COL4A1: variants seen among roughly 807,000 people sequenced by gnomAD.
COL4A1 encodes collagen alpha-1(IV) chain.
COL4A1 carries 40 observed loss-of-function variants against 216.6 expected under a neutral mutation model. The ratio of observed to expected loss-of-function variants is 0.18; its 90% CI spans 0.14 to 0.24. COL4A1 has a LOEUF of 0.24. Among genes scored for constraint, COL4A1 ranks in the 10% least tolerant of loss-of-function variants. The pLI is 1.00. For missense variants in COL4A1, 1,628 were observed against 2,196.8 expected (o/e 0.74, Z 5.18); for synonymous variants, 839 against 810.7 (o/e 1.03, Z -0.59).
Position 110,205,420 on chromosome 13 carries a change from G to GAGAAGC in COL4A1, c.904-20_904-15dup. The GAGAAGC allele has an allele frequency of 6.2e-7, 1 of 1,613,740 alleles. No individual in the cohort carries two copies. The highest frequency in any genetic ancestry group is 8.5e-7 in the Non-Finnish European group (1 of 1,180,038). On this transcript the variant is annotated splice_polypyrimidine_tract_variant and intron_variant, in intron 16 of 51. Transcript: ENST00000375820. ...ACCAGGAAAACCCTGAAACCGAAGAGAGAAGCAGTAACCGTCAGAGGCCAG... is the reference window on the plus strand; with the variant it reads ...ACCAGGAAAACCCTGAAACCGAAGAGAGAAGCAGAAGCAGTAACCGTCAGAGGCCAG...
At position 110,153,110 on chromosome 13, in the gene COL4A1, T is replaced by C. The variant is rs1036443014; in HGVS notation, c.4756-604A>G. 6.5e-4 allele frequency among the ~76,000 whole-genome samples: 99 copies of C among 152,296 alleles called. 1 individual carries two copies. The highest frequency in any genetic ancestry group is 2.1e-3 in the African/African-American group (88 of 41,558). ...AATCAAGACCTTAAAATGAATGACA[T>C]ACAAACTTGACTAAGACATTACAAC... On this transcript the variant is annotated intron_variant, in intron 50 of 51. Transcript: ENST00000375820.
rs571088549 is a variant in COL4A1, at chr13:110,304,699, G to A, written c.84+2245C>T. Reference sequence around the variant, plus strand: ...GTTTAGAAAATCCACCCATGAGTACGTAAACAATATGACCATAGCAGATAC... The same window carrying A: ...GTTTAGAAAATCCACCCATGAGTACATAAACAATATGACCATAGCAGATAC... On this transcript the variant is annotated intron_variant, in intron 1 of 51. Coordinates refer to ENST00000375820, the MANE Select transcript of COL4A1 (RefSeq NM_001845.6). Among the ~76,000 whole-genome samples, 13 of 152,312 alleles carry A rather than the reference G, an allele frequency of 8.5e-5. No homozygotes were observed. The South Asian group carries it at 1.7e-3, about 19-fold the overall frequency.
At position 110,219,678 on chromosome 13, in the gene COL4A1, G is replaced by GTGTATATATATA. The variant is rs1555307860; in HGVS notation, c.145-5664_145-5663insTATATATATACA. ...TATATATATGTATATATATATATATGTGTATATATATGTATATATATGTAT... is the reference window on the plus strand; with the variant it reads ...TATATATATGTATATATATATATATGTGTATATATATATGTATATATATGTATATATATGTAT... On this transcript the variant is annotated intron_variant, in intron 2 of 51. Coordinates refer to ENST00000375820, the MANE Select transcript of COL4A1 (RefSeq NM_001845.6). Among the ~76,000 whole-genome samples the GTGTATATATATA allele has an allele frequency of 2.0e-3, 245 of 123,224 alleles. 4 individuals carry two copies. The highest frequency in any genetic ancestry group is 7.6e-3 in the African/African-American group (231 of 30,586). The allele number at this position is 123,224 out of a possible 152,430, so 80.8% of individuals were successfully genotyped here. A position where few individuals can be genotyped will look rare whatever the true frequency, so the allele number is the denominator to read the frequency against.
At chr13:110,226,117 G>A (rs1000299887) in intron 2 of COL4A1, among the ~76,000 whole-genome samples, 3 of 151,958 alleles carry the variant, frequency 2.0e-5, no homozygotes, top group African/African-American at 7.3e-5. Flanking sequence ...AGGCCACACT[G>A]CTAGTGTTCC....
intron 41 of COL4A1, 61 bp from the exon 42 acceptor site, chr13:110,170,793 C>G (rs1434724489): frequency 6.3e-7 from 1 of 1,578,442 alleles, no homozygotes; most frequent in African/African-American, 1.3e-5. Context: ...TAATCTCCAG[C>G]GTGGACGGCA....
chr13:110,284,620 CAGAT>C (rs1315527482), intron 1 of COL4A1, among the ~76,000 whole-genome samples: 8 of 152,184 alleles, frequency 5.3e-5, no homozygotes, highest in African/African-American at 1.7e-4. Flanking sequence ...CTTCCTAACA[CAGAT>C]AGAGCAAGCA....
At chr13:110,213,216 G>A (rs1373534562) in intron 4 of COL4A1, among the ~76,000 whole-genome samples, 1 of 151,768 alleles carries the variant, frequency 6.6e-6, no homozygotes, top group Non-Finnish European at 1.5e-5. Flanking sequence ...AAATCACCAC[G>A]AAAGAACTTA....
Position 110,203,616 on chromosome 13 carries a change from G to C in COL4A1, c.958-9C>G. ...GCTTCACCCTTTTCTCCCTACAAAA[G>C]AAAAAATAACTTTCCTTGCATATTC... On this transcript the variant is annotated splice_polypyrimidine_tract_variant and intron_variant, in intron 17 of 51. Transcript: ENST00000375820. 3 of 1,613,886 alleles carry C rather than the reference G, an allele frequency of 1.9e-6. No homozygotes were observed. Among genetic ancestry groups the C allele is most frequent in the Non-Finnish European group, 2.5e-6 (3 of 1,179,912 alleles).
At chr13:110,270,310 T>G (rs1266833327) in intron 1 of COL4A1, among the ~76,000 whole-genome samples, 15 of 152,230 alleles carry the variant, frequency 9.9e-5, no homozygotes, top group Admixed American at 9.8e-4. Flanking sequence ...CTTAAAGTTT[T>G]CTAATCAGAC....
At chr13:110,155,242 G>A (rs1198651973) in intron 50 of COL4A1, 41 bp downstream of exon 50, 17 of 1,474,264 alleles carry the variant, frequency 1.2e-5, no homozygotes, top group Non-Finnish European at 1.6e-5. Flanking sequence ...GGCGTGAGTG[G>A]GGCTCTTCCC....
intron 1 of COL4A1, among the ~76,000 whole-genome samples, chr13:110,272,770 C>T (rs1883292217): frequency 6.6e-6 from 1 of 152,196 alleles, no homozygotes; most frequent in Admixed American, 6.5e-5. Flanking sequence ...TTGCTTTTCG[C>T]TACACCCTGA....
chr13:110,276,763 C>T (rs868053274), intron 1 of COL4A1, among the ~76,000 whole-genome samples: 7 of 152,156 alleles, frequency 4.6e-5, no homozygotes, highest in Non-Finnish European at 7.4e-5. Flanking sequence ...ACGACTGCTA[C>T]GTAATCCATA....
At chr13:110,175,086 C>A in intron 37 of COL4A1, 132 bp downstream of exon 37, 1 of 1,167,530 alleles carries the variant, frequency 8.6e-7, no homozygotes, top group South Asian at 1.3e-5. Flanking sequence ...GGAGAGGCGA[C>A]TTGTGCTGCC....
intron 21 of COL4A1, among the ~76,000 whole-genome samples, chr13:110,195,422 C>T (rs1373194963): frequency 6.6e-6 from 1 of 152,158 alleles, no homozygotes; most frequent in African/African-American, 2.4e-5. Context: ...TTGCGAAGTG[C>T]CTACCATCAC....
intron 23 of COL4A1, 110 bp downstream of exon 23, chr13:110,192,720 G>T: frequency 1.2e-6 from 1 of 851,692 alleles, no homozygotes; most frequent in Non-Finnish European, 1.9e-6. Flanking sequence ...TATGCTTTAG[G>T]ATTGGCTGCC....
chr13:110,224,625 A>AT (rs926341097), intron 2 of COL4A1, among the ~76,000 whole-genome samples: 1 of 151,994 alleles, frequency 6.6e-6, no homozygotes, highest in Non-Finnish European at 1.5e-5. Flanking sequence ...TCCTGACCTA[A>AT]TTTTTTTTCT....
chr13:110,198,296 G>C (rs1879000133), intron 21 of COL4A1, among the ~76,000 whole-genome samples, 171 bp downstream of exon 21: 1 of 152,122 alleles, frequency 6.6e-6, no homozygotes, highest in South Asian at 2.1e-4. Flanking sequence ...GCTTTTTGTA[G>C]CATGGTTCAT....
intron 1 of COL4A1, among the ~76,000 whole-genome samples, chr13:110,251,168 T>C (rs1882055477): frequency 6.6e-6 from 1 of 152,250 alleles, no homozygotes; most frequent in Admixed American, 6.5e-5. Flanking sequence ...CTCCCGGCTG[T>C]GCTGAAGGGC....
At chr13:110,168,619 T>C (rs893453106) in intron 43 of COL4A1, among the ~76,000 whole-genome samples, 1 of 152,236 alleles carries the variant, frequency 6.6e-6, no homozygotes, top group African/African-American at 2.4e-5. Context: ...AGCTTAGCTA[T>C]TCTGTATCCA....
Sources: allele counts gnomAD v4.1 joint callset (sites outside exome capture counted in the v4.1 genomes callset), GRCh38; gene constraint gnomAD v4.1.1; transcripts MANE v1.5; gene names NCBI Gene and HGNC (gene_info 2026-07-23, HGNC 2026-07-21).